COL14A1: variants seen among roughly 807,000 people sequenced by gnomAD.
COL14A1 encodes collagen type XIV alpha 1 chain, also known as collagen alpha-1(XIV) chain.
A neutral mutation model predicts 230.3 loss-of-function variants in COL14A1; 136 were observed. The observed-to-expected ratio is 0.59, with a 90% CI of 0.51 to 0.68. The LOEUF (loss-of-function observed/expected upper bound fraction) is 0.68, where lower values mean the gene tolerates loss of function less well. Among genes scored for constraint, COL14A1 ranks in the 30% least tolerant of loss-of-function variants. The pLI, the probability that COL14A1 is intolerant of heterozygous loss-of-function variation, is 0.00. For synonymous variants in COL14A1, 792 were observed against 784.1 expected (o/e 1.01, Z -0.17); for missense variants, 1,976 against 2,215.8 (o/e 0.89, Z 2.17).
chr8:120,193,454 C>G (rs758358926), intron 5 of COL14A1, among the ~76,000 whole-genome samples: 69 of 152,334 alleles, frequency 4.5e-4, no homozygotes, highest in Non-Finnish European at 8.2e-4. Context: ...CAGTCTGCCC[C>G]TACTGGGCGG....
chr8:120,184,698 G>T (rs2130654846), intron 5 of COL14A1, among the ~76,000 whole-genome samples: 1 of 152,278 alleles, frequency 6.6e-6, no homozygotes, highest in Non-Finnish European at 1.5e-5. Flanking sequence ...AGAGCTGATA[G>T]TATAAGTTCT....
rs1464149224 is a variant in COL14A1, at chr8:120,255,286, C to T, written c.2799C>T (p.Thr933=). 3 of 1,614,118 alleles carry T rather than the reference C, an allele frequency of 1.9e-6. No homozygotes were observed. In the Admixed American group the frequency reaches 5.0e-5, roughly 27 times the overall value. ...TCCAAGCCAAACATGTTGAAATGAC[C>T]AGCTTGTGTGCCCACTGGCAGGTAC... ...TNLQAKHVEM[T]SLCAHWQVHR... The change falls in exon 23 of 48, where the codon ACC becomes ACT. Residue 933 remains threonine (T), a synonymous_variant. Transcript: ENST00000297848.
intron 35 of COL14A1, among the ~76,000 whole-genome samples, chr8:120,299,653 A>G (rs949409385): frequency 6.6e-6 from 1 of 152,046 alleles, no homozygotes; most frequent in African/African-American, 2.4e-5. Context: ...ATCTTTCAGA[A>G]TACTTAACTT....
At chr8:120,299,409 G>A (rs1820640446) in intron 35 of COL14A1, among the ~76,000 whole-genome samples, 1 of 152,072 alleles carries the variant, frequency 6.6e-6, no homozygotes, top group African/African-American at 2.4e-5. Flanking sequence ...CTAAAGGGAA[G>A]GTAGATGGGA....
At chr8:120,276,923 T>C (rs1819872530) in intron 26 of COL14A1, among the ~76,000 whole-genome samples, 1 of 151,982 alleles carries the variant, frequency 6.6e-6, no homozygotes, top group Non-Finnish European at 1.5e-5. Context: ...CAAGTTCCCT[T>C]TGAATTGCAG....
intron 2 of COL14A1, among the ~76,000 whole-genome samples, chr8:120,149,740 T>A (rs1374045020): frequency 6.7e-6 from 1 of 150,344 alleles, no homozygotes; most frequent in Non-Finnish European, 1.5e-5. Flanking sequence ...CAGGCTGGAG[T>A]GCAATGGCAA....
Position 120,332,298 on chromosome 8 carries a change from T to C in COL14A1, c.4713+104T>C, listed in dbSNP as rs752203009. On this transcript the variant is annotated intron_variant, in intron 41 of 47. Coordinates refer to ENST00000297848, the MANE Select transcript of COL14A1 (RefSeq NM_021110.4). Reference sequence around the variant, plus strand: ...ATCTTTTACCAGCAGCCGTCTTCACTATAGTGTGACAACTCATCCCTTGAT... The same window carrying C: ...ATCTTTTACCAGCAGCCGTCTTCACCATAGTGTGACAACTCATCCCTTGAT... The C allele has an allele frequency of 6.3e-4, 693 of 1,096,526 alleles. 3 individuals are homozygous for C. Among genetic ancestry groups the C allele is most frequent in the Middle Eastern group, 6.1e-4 (3 of 4,930 alleles). 67.9% of individuals were successfully genotyped at this position (1,096,526 alleles called of 1,614,324 possible).
chr8:120,345,250 G>T, intron 44 of COL14A1, 125 bp from the exon 45 acceptor site: 1 of 772,152 alleles, frequency 1.3e-6, no homozygotes, highest in Non-Finnish European at 2.0e-6. Flanking sequence ...ATTTCAAAGG[G>T]GTGTGATTTT....
chr8:120,295,121 G>T (rs1208599447), intron 34 of COL14A1, among the ~76,000 whole-genome samples: 3 of 151,736 alleles, frequency 2.0e-5, no homozygotes, highest in Non-Finnish European at 3.0e-5. Context: ...TGCTCTGAGG[G>T]CTCTACTCAG....
At chr8:120,125,047 C>A (rs1422052782), upstream of COL14A1, 1 of 152,398 alleles carries the variant, frequency 6.6e-6, no homozygotes, top group African/African-American at 2.4e-5. Flanking sequence ...CTCCCCACCT[C>A]CCGCCTCCGC....
chr8:120,207,337 AT>A (rs1817467827), intron 10 of COL14A1, among the ~76,000 whole-genome samples: 1 of 152,158 alleles, frequency 6.6e-6, no homozygotes, highest in African/African-American at 2.4e-5. Context: ...AACACAACGT[AT>A]TTTTCTTCTT....
intron 24 of COL14A1, among the ~76,000 whole-genome samples, chr8:120,266,040 C>A (rs1024550076): frequency 2.0e-5 from 3 of 151,786 alleles, no homozygotes; most frequent in Admixed American, 6.6e-5. Context: ...ACTGGGATAG[C>A]GAGAAGAATT....
At chr8:120,261,148 A>T (rs968690134) in intron 23 of COL14A1, among the ~76,000 whole-genome samples, 1 of 152,362 alleles carries the variant, frequency 6.6e-6, no homozygotes, top group Admixed American at 6.5e-5. Flanking sequence ...AGTGATGGAT[A>T]TTCCAATTAC....
chr8:120,316,037 AC>A, intron 40 of COL14A1, 40 bp downstream of exon 40: 1 of 1,601,856 alleles, frequency 6.2e-7, no homozygotes. Flanking sequence ...CAAAGTAGTG[AC>A]CTTTTCACCA....
At chr8:120,252,670 G>C (rs562963715) in intron 22 of COL14A1, among the ~76,000 whole-genome samples, 1 of 152,308 alleles carries the variant, frequency 6.6e-6, no homozygotes, top group East Asian at 1.9e-4. Context: ...GAGGATTACA[G>C]AGAAAAAATG....
intron 5 of COL14A1, among the ~76,000 whole-genome samples, chr8:120,169,346 C>T (rs1433525602): frequency 2.0e-5 from 3 of 151,974 alleles, no homozygotes; most frequent in Non-Finnish European, 4.4e-5. Flanking sequence ...CTTCTGTTAA[C>T]GATATGTAAC....
intron 23 of COL14A1, among the ~76,000 whole-genome samples, chr8:120,259,429 TC>T (rs1200674123): frequency 1.3e-5 from 2 of 152,160 alleles, no homozygotes; most frequent in Non-Finnish European, 2.9e-5. Context: ...ATTAACTTCC[TC>T]CTTTTGGCAT....
chr8:120,307,698 A>G (rs1820895743), intron 36 of COL14A1, among the ~76,000 whole-genome samples: 1 of 152,234 alleles, frequency 6.6e-6, no homozygotes, highest in Admixed American at 6.5e-5. Context: ...GGGAAATGAA[A>G]ATTAGAACAA....
At chr8:120,289,562 A>G in intron 33 of COL14A1, 46 bp from the exon 34 acceptor site, 2 of 1,554,776 alleles carry the variant, frequency 1.3e-6, no homozygotes, top group Non-Finnish European at 1.8e-6. Context: ...TTTGGTTGAT[A>G]TTTCCTTCTG....
Sources: gnomAD v4.1 joint callset for allele counts (sites outside exome capture counted in the v4.1 genomes callset) on GRCh38, gnomAD v4.1.1 for gene constraint, MANE v1.5 for transcripts, NCBI Gene and HGNC (gene_info 2026-07-23, HGNC 2026-07-21) for gene names.